The following RXFP1 variants were observed in gnomAD, a reference collection of about 807,000 sequenced individuals.
The protein encoded by RXFP1 is relaxin family peptide receptor 1.
Under a neutral mutation model 89.8 loss-of-function variants are expected in RXFP1, and 73 were observed. That is an observed-to-expected ratio of 0.81 (90% CI 0.67 to 0.99). The LOEUF (loss-of-function observed/expected upper bound fraction) is 0.99, where lower values mean the gene tolerates loss of function less well. RXFP1 is among the 50% of genes least tolerant of loss of function. The pLI, the probability that RXFP1 is intolerant of heterozygous loss-of-function variation, is 0.00. For synonymous variants in RXFP1, 277 were observed against 305.5 expected, an observed-to-expected ratio of 0.91 and a Z score of 0.97; for missense variants, 793 against 895.5, an observed-to-expected ratio of 0.89 and a Z score of 1.46.
intron 2 of RXFP1, among the ~76,000 whole-genome samples, chr4:158,579,958 G>A (rs1294240176): frequency 6.6e-6 from 1 of 152,150 alleles, no homozygotes; most frequent in Non-Finnish European, 1.5e-5. Context: ...AAACACAAAA[G>A]TTTATTATTC....
At chr4:158,610,779 C>T (rs905915122) in intron 6 of RXFP1, 3 of 1,121,782 alleles carry the variant, frequency 2.7e-6, no homozygotes, top group Non-Finnish European at 3.6e-6. Context: ...TTTCTTACCC[C>T]TTACTGTGCC....
In RXFP1 at chr4:158,617,216, C is replaced by T; in HGVS notation, c.755+11C>T. 6.3e-7 allele frequency: 1 copy of T among 1,586,756 alleles called. No homozygotes were observed. Among genetic ancestry groups the T allele is most frequent in the Non-Finnish European group, 8.6e-7 (1 of 1,163,574 alleles). On this transcript the variant is annotated intron_variant, in intron 9 of 17. Coordinates refer to ENST00000307765, the MANE Select transcript of RXFP1 (RefSeq NM_021634.4). ...AAGACTACATTGGCTGTAAGCGATTCTGTCTTTTTTTAAAGAACTCAACTA... is the reference window on the plus strand; with the variant it reads ...AAGACTACATTGGCTGTAAGCGATTTTGTCTTTTTTTAAAGAACTCAACTA...
At position 158,651,741 on chromosome 4, in the gene RXFP1, C is replaced by A. The variant is rs773754413; in HGVS notation, c.1976-16C>A. 6.4e-7 allele frequency: 1 copy of A among 1,574,680 alleles called. No homozygotes were observed. Among genetic ancestry groups the A allele is most frequent in the South Asian group, 1.2e-5 (1 of 84,782 alleles). On this transcript the variant is annotated splice_polypyrimidine_tract_variant and intron_variant, in intron 17 of 17. Coordinates refer to ENST00000307765, the MANE Select transcript of RXFP1 (RefSeq NM_021634.4). ...ACATCTATAAACACTAAAACTATTT[C>A]ATTTTTCTTTTTTAGGTACCATAAC...
rs1023336558 is a variant in RXFP1, at chr4:158,572,783, G to A, written c.135G>A (p.Leu45=). The change falls in exon 2 of 18, where the codon CTG becomes CTA. Residue 45 remains leucine, a synonymous_variant. Transcript: ENST00000307765. ...GNITKCLPQL[L]HCNGVDDCGN... The stretch of plus-strand genomic sequence containing the variant: ...TCACAAAGTGCTTGCCTCAGCTCCT[G>A]CACTGTAACGGTGTGGACGACTGCG... 3 of 1,614,060 alleles carry A rather than the reference G, an allele frequency of 1.9e-6. No homozygotes were observed. The highest frequency in any genetic ancestry group is 2.7e-5 in the African/African-American group (2 of 74,920).
rs139793462 is a variant in RXFP1 at position 158,577,642 on chromosome 4, A to G, written c.187+4807A>G. On this transcript the variant is annotated intron_variant, in intron 2 of 17. Transcript: ENST00000307765. ...AACCTCTCCCTTATTCTGTCAAGCTATTTAAACCTTGACACTAATAATAAT... is the reference window on the plus strand; with the variant it reads ...AACCTCTCCCTTATTCTGTCAAGCTGTTTAAACCTTGACACTAATAATAAT... Among the ~76,000 whole-genome samples, 1,069 of 152,280 alleles carry G rather than the reference A, an allele frequency of 7.0e-3. 12 individuals are homozygous for G. The highest frequency in any genetic ancestry group is 0.023 in the African/African-American group (952 of 41,566).
intron 14 of RXFP1, among the ~76,000 whole-genome samples, chr4:158,640,881 C>T (rs778000735): frequency 1.3e-5 from 2 of 152,178 alleles, no homozygotes; most frequent in African/African-American, 2.4e-5. Flanking sequence ...TTCAAGCAAG[C>T]GTGCATGGAT....
chr4:158,572,089 C>T (rs1755193188), intron 1 of RXFP1, among the ~76,000 whole-genome samples: 1 of 152,192 alleles, frequency 6.6e-6, no homozygotes, highest in African/African-American at 2.4e-5. Context: ...TCACCGCCTC[C>T]TCAAGCCTCT....
chr4:158,610,731 G>A (rs1763426426), intron 6 of RXFP1: 1 of 1,287,164 alleles, frequency 7.8e-7, no homozygotes, highest in Non-Finnish European at 1.0e-6. Context: ...TTACCTGGAG[G>A]GTTTTTGTAT....
chr4:158,556,379 C>A (rs1369249286), intron 1 of RXFP1, among the ~76,000 whole-genome samples: 2 of 152,132 alleles, frequency 1.3e-5, no homozygotes, highest in African/African-American at 4.8e-5. Flanking sequence ...TATCATCTCA[C>A]TCCAGTTAGA....
At chr4:158,525,683 T>C (rs1742335679) in intron 1 of RXFP1, among the ~76,000 whole-genome samples, 1 of 152,244 alleles carries the variant, frequency 6.6e-6, no homozygotes, top group South Asian at 2.1e-4. Flanking sequence ...TTCCCATTTA[T>C]TGAGAGGTCT....
intron 8 of RXFP1, among the ~76,000 whole-genome samples, chr4:158,616,865 G>T (rs1381970044): frequency 6.6e-6 from 1 of 151,512 alleles, no homozygotes; most frequent in East Asian, 1.9e-4. Context: ...TGGGTATGGT[G>T]GCACATGCCT....
chr4:158,521,761 G>A (rs1363155973), upstream of RXFP1: 2 of 524,444 alleles, frequency 3.8e-6, no homozygotes, highest in Admixed American at 3.7e-5. Flanking sequence ...GAAGGAGGGC[G>A]GGGAGGAGAG....
intron 2 of RXFP1, among the ~76,000 whole-genome samples, chr4:158,578,856 T>C (rs894596505): frequency 6.6e-5 from 10 of 151,816 alleles, no homozygotes; most frequent in South Asian, 2.1e-4. Context: ...CTATAACCCA[T>C]AGGGGAAATG....
intron 1 of RXFP1, among the ~76,000 whole-genome samples, chr4:158,550,600 T>C (rs1349927835): frequency 6.6e-6 from 1 of 152,178 alleles, no homozygotes; most frequent in African/African-American, 2.4e-5. Context: ...GCTCCACCCC[T>C]GACCTTGATC....
chr4:158,612,372 A>G lies in RXFP1; in HGVS notation c.680+10A>G, dbSNP rs1284407695. On this transcript the variant is annotated intron_variant, in intron 8 of 17. Coordinates refer to ENST00000307765, the MANE Select transcript of RXFP1 (RefSeq NM_021634.4). The stretch of plus-strand genomic sequence containing the variant: ...ATTCTCTTATTCTCTTGTAAGTACT[A>G]AACTAAAGCAAATATTTCAATCAAA... The G allele has an allele frequency of 6.5e-7, 1 of 1,537,358 alleles. No homozygotes were observed. The highest frequency in any genetic ancestry group is 8.9e-7 in the Non-Finnish European group (1 of 1,120,688).
chr4:158,603,665 G>A (rs1344733561), intron 4 of RXFP1, among the ~76,000 whole-genome samples: 1 of 151,978 alleles, frequency 6.6e-6, no homozygotes. Flanking sequence ...GCCGAGGCAG[G>A]TGGATCACAA....
chr4:158,537,728 C>T (rs1285200608), intron 1 of RXFP1, among the ~76,000 whole-genome samples: 1 of 152,076 alleles, frequency 6.6e-6, no homozygotes, highest in African/African-American at 2.4e-5. Flanking sequence ...CAGAAAGATC[C>T]CTCACCTATG....
chr4:158,616,936 T>A (rs769013737), intron 8 of RXFP1, among the ~76,000 whole-genome samples, 195 bp from the exon 9 acceptor site: 9 of 150,160 alleles, frequency 6.0e-5, no homozygotes, highest in African/African-American at 9.8e-5. Flanking sequence ...GAGGCAGAGG[T>A]TTCCATGAGC....
At chr4:158,651,287 C>A (rs964388457) in intron 17 of RXFP1, among the ~76,000 whole-genome samples, 2 of 152,008 alleles carry the variant, frequency 1.3e-5, no homozygotes, top group African/African-American at 2.4e-5. Context: ...TAAAAAAATG[C>A]ACACTTTGTT....
Sources: gnomAD v4.1 joint callset for allele counts (sites outside exome capture counted in the v4.1 genomes callset) on GRCh38, gnomAD v4.1.1 for gene constraint, MANE v1.5 for transcripts, NCBI Gene and HGNC (gene_info 2026-07-23, HGNC 2026-07-21) for gene names.